The following CSTPP1 variants were observed in gnomAD, a reference collection of about 807,000 sequenced individuals.
The protein encoded by CSTPP1 is UPF0705 protein C11orf49.
At chr11:46,972,964 G>C in the CSTPP1 span, among the ~76,000 whole-genome samples, 1 of 152,090 alleles carries the variant, frequency 6.6e-6, no homozygotes, top group Admixed American at 6.5e-5. Context: ...TCAATTTTCT[G>C]CCCTACCACT....
the CSTPP1 span, among the ~76,000 whole-genome samples, chr11:46,956,927 A>G: frequency 1.3e-5 from 2 of 151,382 alleles, no homozygotes; most frequent in Admixed American, 1.3e-4. Context: ...ATGTATATAT[A>G]TATACACACA....
the CSTPP1 span, among the ~76,000 whole-genome samples, chr11:47,014,277 A>T: frequency 6.6e-6 from 1 of 151,446 alleles, no homozygotes; most frequent in African/African-American, 2.4e-5. Flanking sequence ...GAAAGAGAAA[A>T]GAAAGGAAGG....
At chr11:47,052,450 C>T in the CSTPP1 span, 1 of 1,613,850 alleles carries the variant, frequency 6.2e-7, no homozygotes, top group South Asian at 1.1e-5. Context: ...GTCCAAGCCA[C>T]CCCCCACAAT....
At chr11:47,130,171 C>T in the CSTPP1 span, among the ~76,000 whole-genome samples, 122 of 151,836 alleles carry the variant, frequency 8.0e-4, no homozygotes, top group Non-Finnish European at 1.3e-3. Context: ...GTAGGAGACT[C>T]GCTTGAACTC....
the CSTPP1 span, among the ~76,000 whole-genome samples, chr11:47,066,339 G>T: frequency 6.6e-6 from 1 of 151,928 alleles, no homozygotes; most frequent in Admixed American, 6.6e-5. Context: ...TTCTCCCCAT[G>T]TCTGCATGGA....
chr11:46,949,415 C>T, the CSTPP1 span, among the ~76,000 whole-genome samples: 150,951 of 152,304 alleles, frequency 0.99, 74,818 homozygotes, highest in East Asian at 1. Flanking sequence ...AAAAGATAGG[C>T]TAAATCTTCA....
the CSTPP1 span, chr11:47,157,346 AC>A: frequency 9.3e-7 from 1 of 1,078,534 alleles, no homozygotes; most frequent in Non-Finnish European, 1.3e-6. Flanking sequence ...TCATAATGTA[AC>A]AGTGCCATTT....
chr11:46,936,785 T>G, the CSTPP1 span: 23 of 1,610,298 alleles, frequency 1.4e-5, no homozygotes, highest in Non-Finnish European at 2.0e-5. Context: ...GCTGGAGCTT[T>G]GAAGCCACCC....
At chr11:47,109,563 GAC>G in the CSTPP1 span, among the ~76,000 whole-genome samples, 1 of 152,214 alleles carries the variant, frequency 6.6e-6, no homozygotes, top group Admixed American at 6.5e-5. Context: ...GTTGCTGCCA[GAC>G]ACAGAGTGCT....
At chr11:47,158,175 G>A in the CSTPP1 span, among the ~76,000 whole-genome samples, 12 of 151,772 alleles carry the variant, frequency 7.9e-5, no homozygotes, top group South Asian at 4.2e-4. Context: ...TAGCAGAAGC[G>A]CCCAGCCCCT....
At chr11:47,098,574 C>T in the CSTPP1 span, among the ~76,000 whole-genome samples, 3 of 149,846 alleles carry the variant, frequency 2.0e-5, no homozygotes, top group Non-Finnish European at 3.0e-5. Flanking sequence ...GGCGGGATCT[C>T]GGCACACTGC....
chr11:47,036,188 T>TTATATTA, the CSTPP1 span, among the ~76,000 whole-genome samples: 1 of 53,924 alleles, frequency 1.9e-5, no homozygotes, highest in Admixed American at 3.2e-4. Flanking sequence ...AAATATATAT[T>TTATATTA]TATATTATAT....
the CSTPP1 span, among the ~76,000 whole-genome samples, chr11:47,009,116 T>G: frequency 6.6e-6 from 1 of 152,050 alleles, no homozygotes; most frequent in Non-Finnish European, 1.5e-5. Context: ...ACCCTACACA[T>G]TGGGAAAAGT....
chr11:46,983,221 G>A, the CSTPP1 span, among the ~76,000 whole-genome samples: 2 of 152,158 alleles, frequency 1.3e-5, no homozygotes, highest in African/African-American at 2.4e-5. Context: ...GTGTTATAAA[G>A]AGATTACGTG....
chr11:47,023,620 C>T, the CSTPP1 span, among the ~76,000 whole-genome samples: 1 of 152,180 alleles, frequency 6.6e-6, no homozygotes, highest in South Asian at 2.1e-4. Context: ...TTCCTTCTGA[C>T]CCCCTAGCTC....
chr11:47,048,723 GGAT>G, the CSTPP1 span, among the ~76,000 whole-genome samples: 80 of 152,128 alleles, frequency 5.3e-4, no homozygotes, highest in African/African-American at 1.8e-3. Flanking sequence ...TTTTTGTTGG[GGAT>G]GATGAAAAAG....
chr11:46,994,835 A>T, the CSTPP1 span, among the ~76,000 whole-genome samples: 2 of 152,192 alleles, frequency 1.3e-5, no homozygotes, highest in Admixed American at 1.3e-4. Flanking sequence ...TGATTGGAAT[A>T]GTTTCAGAAG....
At chr11:47,053,470 T>G in the CSTPP1 span, among the ~76,000 whole-genome samples, 4 of 151,482 alleles carry the variant, frequency 2.6e-5, no homozygotes, top group African/African-American at 9.7e-5. Flanking sequence ...AATACAAAAA[T>G]TAGCCAGGTG....
the CSTPP1 span, among the ~76,000 whole-genome samples, chr11:46,939,999 T>C: frequency 6.6e-6 from 1 of 152,216 alleles, no homozygotes; most frequent in Middle Eastern, 3.4e-3. Flanking sequence ...GCCTCTCAAG[T>C]AGCTGGAACT....
Sources: gnomAD v4.1 joint callset for allele counts (sites outside exome capture counted in the v4.1 genomes callset) on GRCh38, gnomAD v4.1.1 for gene constraint, MANE v1.5 for transcripts, NCBI Gene and HGNC (gene_info 2026-07-23, HGNC 2026-07-21) for gene names.